Variants in LRRC37A2 observed in about 807,000 individuals in gnomAD.
LRRC37A2 encodes the protein leucine rich repeat containing 37 member A2.
In LRRC37A2, 9 loss-of-function variants were observed where a neutral mutation model predicts 68.8. The observed-to-expected ratio is 0.13, with a 90% CI of 0.08 to 0.23. The LOEUF (loss-of-function observed/expected upper bound fraction) is 0.23. Ranked by LOEUF, LRRC37A2 falls within the 10% of genes least tolerant of loss-of-function variation. The pLI, the probability that LRRC37A2 is intolerant of heterozygous loss-of-function variation, is 1.00. For synonymous variants in LRRC37A2, 63 were observed against 367.6 expected, an observed-to-expected ratio of 0.17 and a Z score of 9.48; for missense variants, 168 against 950.4, an observed-to-expected ratio of 0.18 and a Z score of 10.82.
chr17:46,985,170 C>G, the LRRC37A2 span, among the ~76,000 whole-genome samples: 1 of 152,184 alleles, frequency 6.6e-6, no homozygotes, highest in African/African-American at 2.4e-5. Context: ...AGCCTTTGAC[C>G]CCTAAGAGAC....
At chr17:46,766,156 C>A in the LRRC37A2 span, among the ~76,000 whole-genome samples, 1 of 152,146 alleles carries the variant, frequency 6.6e-6, no homozygotes, top group Admixed American at 6.5e-5. Context: ...CGCCTGTAAT[C>A]CCAGCACTTT....
At chr17:46,997,831 A>G in the LRRC37A2 span, among the ~76,000 whole-genome samples, 65 of 152,218 alleles carry the variant, frequency 4.3e-4, no homozygotes, top group African/African-American at 1.4e-3. Context: ...TTTGCCGGGC[A>G]TGGTGGCAGG....
the LRRC37A2 span, among the ~76,000 whole-genome samples, chr17:46,949,606 C>G: frequency 6.6e-6 from 1 of 152,180 alleles, no homozygotes; most frequent in Non-Finnish European, 1.5e-5. Context: ...ATGCTCACGT[C>G]TAGCTGGGAA....
chr17:46,528,751 C>T (rs1167603924), intron 6 of LRRC37A2: 1 of 668,522 alleles, frequency 1.5e-6, no homozygotes, highest in African/African-American at 2.0e-5. Flanking sequence ...AGGAAAAAGG[C>T]TCACCATTTC....
the LRRC37A2 span, chr17:46,955,575 A>G: frequency 6.6e-6 from 1 of 152,180 alleles, no homozygotes; most frequent in African/African-American, 2.4e-5. Context: ...TACACTTATT[A>G]AGGAAAAACT....
At chr17:46,751,696 C>G in the LRRC37A2 span, 1 of 782,468 alleles carries the variant, frequency 1.3e-6, no homozygotes, top group Admixed American at 3.2e-5. Context: ...TTTCCTTTGC[C>G]AAGGTTTTAA....
At chr17:46,912,754 C>A in the LRRC37A2 span, among the ~76,000 whole-genome samples, 2 of 152,136 alleles carry the variant, frequency 1.3e-5, no homozygotes, top group African/African-American at 4.8e-5. Context: ...ATGATGTTTC[C>A]CTGGCTTTGG....
the LRRC37A2 span, among the ~76,000 whole-genome samples, chr17:46,846,228 C>T: frequency 6.6e-6 from 1 of 152,222 alleles, no homozygotes; most frequent in African/African-American, 2.4e-5. Flanking sequence ...CTCTCATGAA[C>T]ATTATAAAAT....
the LRRC37A2 span, among the ~76,000 whole-genome samples, chr17:46,800,378 T>C: frequency 6.6e-6 from 1 of 152,192 alleles, no homozygotes; most frequent in Admixed American, 6.5e-5. Flanking sequence ...CCCAAAGTGC[T>C]GGGATTACAG....
chr17:46,810,106 A>G, the LRRC37A2 span, among the ~76,000 whole-genome samples: 1 of 149,184 alleles, frequency 6.7e-6, no homozygotes, highest in South Asian at 2.1e-4. Flanking sequence ...TCCCAGGTTC[A>G]AGCGATTCTC....
chr17:46,627,574 C>T, the LRRC37A2 span, among the ~76,000 whole-genome samples: 1 of 131,744 alleles, frequency 7.6e-6, no homozygotes, highest in Non-Finnish European at 1.7e-5. Context: ...ATCCTCTTCT[C>T]CCTTATCATT....
chr17:46,947,429 A>G, the LRRC37A2 span, among the ~76,000 whole-genome samples: 11 of 152,248 alleles, frequency 7.2e-5, no homozygotes, highest in South Asian at 4.1e-4. Flanking sequence ...ACTGCCACAC[A>G]CCTTCAGAGC....
the LRRC37A2 span, among the ~76,000 whole-genome samples, chr17:46,896,452 A>AAAGAAAGAAAG: frequency 3.0e-5 from 2 of 65,834 alleles, no homozygotes; most frequent in African/African-American, 5.2e-5. Flanking sequence ...GAAAGAAAGA[A>AAAGAAAGAAAG]AAAGAAAGAA....
At chr17:46,745,819 A>G in the LRRC37A2 span, among the ~76,000 whole-genome samples, 1 of 152,206 alleles carries the variant, frequency 6.6e-6, no homozygotes, top group Admixed American at 6.5e-5. Flanking sequence ...AATACTTTAA[A>G]TATAACAGCA....
At chr17:46,962,404 T>C in the LRRC37A2 span, among the ~76,000 whole-genome samples, 75 of 152,134 alleles carry the variant, frequency 4.9e-4, no homozygotes, top group African/African-American at 1.8e-3. Flanking sequence ...CCTCCCAGTG[T>C]TCATGCCCTT....
the LRRC37A2 span, among the ~76,000 whole-genome samples, chr17:46,684,684 A>C: frequency 6.6e-6 from 1 of 150,814 alleles, no homozygotes; most frequent in Non-Finnish European, 1.5e-5. Flanking sequence ...GGTGTTGGGA[A>C]AACTGGCTAG....
the LRRC37A2 span, among the ~76,000 whole-genome samples, chr17:46,950,185 G>A: frequency 1.3e-5 from 2 of 152,188 alleles, no homozygotes; most frequent in South Asian, 4.1e-4. Context: ...AAGAGTTCAC[G>A]GGGGCTGAGA....
the LRRC37A2 span, among the ~76,000 whole-genome samples, chr17:46,981,118 G>A: frequency 6.6e-6 from 1 of 152,242 alleles, no homozygotes; most frequent in African/African-American, 2.4e-5. Context: ...AAAAGATGCT[G>A]CCTGGAGACT....
the LRRC37A2 span, among the ~76,000 whole-genome samples, chr17:46,490,932 T>C: frequency 1.3e-5 from 2 of 150,186 alleles, no homozygotes; most frequent in Non-Finnish European, 2.9e-5. Flanking sequence ...TTCTCTTCTG[T>C]CACCCAGGCT....
Sources: allele counts gnomAD v4.1 joint callset (sites outside exome capture counted in the v4.1 genomes callset), GRCh38; gene constraint gnomAD v4.1.1; transcripts MANE v1.5; gene names NCBI Gene and HGNC (gene_info 2026-07-23, HGNC 2026-07-21).